The following SLC41A2 variants were observed in gnomAD, a reference collection of about 807,000 sequenced individuals.
SLC41A2 encodes SLC41A1-like 1.
A neutral mutation model predicts 58.3 loss-of-function variants in SLC41A2; 32 were observed. That is an observed-to-expected ratio of 0.55 (90% CI 0.41 to 0.74). The LOEUF (loss-of-function observed/expected upper bound fraction) is 0.74, where lower values mean the gene tolerates loss of function less well. Among genes scored for constraint, SLC41A2 ranks in the 30% least tolerant of loss-of-function variants. SLC41A2 has a pLI of 0.00. For synonymous variants in SLC41A2, 190 were observed against 235.0 expected (o/e 0.81, Z 1.75); for missense variants, 514 against 680.6 (o/e 0.76, Z 2.72).
chr12:104,838,458 G>A (rs2042288165), intron 10 of SLC41A2, among the ~76,000 whole-genome samples: 1 of 152,164 alleles, frequency 6.6e-6, no homozygotes, highest in African/African-American at 2.4e-5. Flanking sequence ...ATGAGATGGT[G>A]CAATTTGCAT....
In SLC41A2 at chr12:104,865,214, G is replaced by A. The variant is rs983641053; in HGVS notation, c.1175+1218C>T. Among the ~76,000 whole-genome samples the A allele has an allele frequency of 4.6e-5, 7 of 152,294 alleles. 1 individual carries two copies. Among genetic ancestry groups the A allele is most frequent in the Admixed American group, 1.3e-4 (2 of 15,294 alleles). On this transcript the variant is annotated intron_variant, in intron 7 of 10. Coordinates refer to ENST00000258538, the MANE Select transcript of SLC41A2 (RefSeq NM_001352171.3). Reference sequence around the variant, plus strand: ...AGGCTGTCTCTCAGCATTATACAAAGAAAAGGAAGTGGGATAGGGTTCTCA... The same window carrying A: ...AGGCTGTCTCTCAGCATTATACAAAAAAAAGGAAGTGGGATAGGGTTCTCA...
Position 104,844,571 on chromosome 12 carries a change from TC to T in SLC41A2, c.1436del (p.Gly479AspfsTer3). 1 of 1,570,262 alleles carries T rather than the reference TC, an allele frequency of 6.4e-7. No homozygotes were observed. The highest frequency in any genetic ancestry group is 1.2e-5 in the South Asian group (1 of 81,488). On this transcript the variant is annotated frameshift_variant, in exon 10 of 11. Coordinates refer to ENST00000258538, the MANE Select transcript of SLC41A2 (RefSeq NM_001352171.3). LOFTEE classifies it high-confidence loss of function. ...AQVLLLLVIP[G>X]HLIFLYTIHL... ...GAATAGTGTAGAGGAAAATTAAATGTCCAGGAATCACTAAAAGCAGTAGAAC... is the reference window on the plus strand; with the variant it reads ...GAATAGTGTAGAGGAAAATTAAATGTCAGGAATCACTAAAAGCAGTAGAAC...
chr12:104,829,055 T>C (rs549065635), intron 10 of SLC41A2, among the ~76,000 whole-genome samples: 1 of 152,352 alleles, frequency 6.6e-6, no homozygotes, highest in Admixed American at 6.5e-5. Flanking sequence ...GTAGTGGGAA[T>C]GCAGAATGGT....
chr12:104,838,356 G>A (rs1049476322), intron 10 of SLC41A2, among the ~76,000 whole-genome samples: 15 of 152,122 alleles, frequency 9.9e-5, no homozygotes, highest in African/African-American at 3.6e-4. Context: ...TTAATATACT[G>A]GTTATAAGTT....
In SLC41A2 at chr12:104,958,277, G is replaced by C. The variant is rs1177481755; in HGVS notation, c.-357C>G. 1 of 150,538 alleles carries C rather than the reference G, an allele frequency of 6.6e-6. No individual in the cohort carries two copies. Among genetic ancestry groups the C allele is most frequent in the Non-Finnish European group, 1.5e-5 (1 of 67,602 alleles). The allele number at this position is 150,538 out of a possible 1,614,324, so 9.3% of individuals were successfully genotyped here. On this transcript the variant is annotated 5_prime_UTR_variant, in exon 1 of 11. Coordinates refer to ENST00000258538, the MANE Select transcript of SLC41A2 (RefSeq NM_001352171.3). The stretch of plus-strand genomic sequence containing the variant: ...CTCCCGCGCCTCCTCGCGCGGCTGC[G>C]GCCCCAAGCTGACAGCCCGGCCGTC...
chr12:104,867,775 GTTAC>G (rs1403877599), intron 6 of SLC41A2, among the ~76,000 whole-genome samples: 1 of 147,816 alleles, frequency 6.8e-6, no homozygotes, highest in East Asian at 2.0e-4. Flanking sequence ...TAAGTCAAAT[GTTAC>G]TTAATTTTTT....
At chr12:104,924,949 T>C (rs557382346) in intron 2 of SLC41A2, among the ~76,000 whole-genome samples, 1 of 152,186 alleles carries the variant, frequency 6.6e-6, no homozygotes, top group South Asian at 2.1e-4. Context: ...TTATATAGTT[T>C]AAAAAGAGTC....
In SLC41A2 at chr12:104,940,813, G is replaced by C. The variant is rs189089949; in HGVS notation, c.-167-12119C>G. 3.5e-3 allele frequency among the ~76,000 whole-genome samples: 527 copies of C among 151,956 alleles called. 2 individuals are homozygous for C. Among genetic ancestry groups the C allele is most frequent in the Admixed American group, 9.1e-3 (139 of 15,272 alleles). ...AGACGCCTGTAGTCCCACCTACTCAGGAGGCTGAGGCAGGAGAATTACTTG... is the reference window on the plus strand; with the variant it reads ...AGACGCCTGTAGTCCCACCTACTCACGAGGCTGAGGCAGGAGAATTACTTG... On this transcript the variant is annotated intron_variant, in intron 1 of 10. Coordinates refer to ENST00000258538, the MANE Select transcript of SLC41A2 (RefSeq NM_001352171.3).
At chr12:104,843,504 T>C (rs2042490634) in intron 10 of SLC41A2, among the ~76,000 whole-genome samples, 1 of 152,086 alleles carries the variant, frequency 6.6e-6, no homozygotes, top group African/African-American at 2.4e-5. Context: ...AACCTTATCT[T>C]GTCTGTTAGA....
intron 10 of SLC41A2, among the ~76,000 whole-genome samples, chr12:104,826,416 C>T (rs2041847453): frequency 6.6e-6 from 1 of 152,178 alleles, no homozygotes; most frequent in Non-Finnish European, 1.5e-5. Flanking sequence ...CCTTTGCCGA[C>T]AATGTAGGAT....
At chr12:104,923,721 C>T (rs2135859351) in intron 2 of SLC41A2, among the ~76,000 whole-genome samples, 1 of 152,164 alleles carries the variant, frequency 6.6e-6, no homozygotes, top group Middle Eastern at 3.4e-3. Context: ...AAACATGCAA[C>T]AAGGATAAAT....
At chr12:104,841,006 T>C (rs2136317077) in intron 10 of SLC41A2, among the ~76,000 whole-genome samples, 1 of 152,306 alleles carries the variant, frequency 6.6e-6, no homozygotes, top group African/African-American at 2.4e-5. Flanking sequence ...AAAGTTTTAT[T>C]TTAAAAACTC....
intron 2 of SLC41A2, among the ~76,000 whole-genome samples, chr12:104,921,251 G>C (rs772071859): frequency 6.6e-6 from 1 of 151,972 alleles, no homozygotes; most frequent in Non-Finnish European, 1.5e-5. Context: ...TCCAAAACTT[G>C]AGAAAGCTAT....
chr12:104,943,341 C>A (rs1282123659), intron 1 of SLC41A2, among the ~76,000 whole-genome samples: 1 of 151,820 alleles, frequency 6.6e-6, no homozygotes, highest in African/African-American at 2.4e-5. Context: ...AACACCAGAC[C>A]CTGGGGCCTC....
chr12:104,893,534 T>C (rs2045121952), intron 4 of SLC41A2, among the ~76,000 whole-genome samples: 1 of 152,196 alleles, frequency 6.6e-6, no homozygotes, highest in African/African-American at 2.4e-5. Flanking sequence ...GAAATCAGTA[T>C]GTTGAAGAGA....
intron 1 of SLC41A2, among the ~76,000 whole-genome samples, chr12:104,930,062 T>C (rs1252570685): frequency 2.0e-5 from 3 of 152,214 alleles, no homozygotes; most frequent in Admixed American, 2.0e-4. Context: ...GATCTGGGAA[T>C]TCCTTCTGAG....
chr12:104,889,255 C>A, intron 4 of SLC41A2, 78 bp from the exon 5 acceptor site: 2 of 1,416,074 alleles, frequency 1.4e-6, no homozygotes, highest in African/African-American at 1.5e-5. Context: ...GTAAATATTA[C>A]TACAAAAAGT....
At chr12:104,885,880 A>T (rs950030086) in intron 6 of SLC41A2, among the ~76,000 whole-genome samples, 1 of 152,088 alleles carries the variant, frequency 6.6e-6, no homozygotes, top group Non-Finnish European at 1.5e-5. Context: ...AGTACCACTT[A>T]TAAGCTTATA....
At chr12:104,935,340 A>T (rs1406087841) in intron 1 of SLC41A2, among the ~76,000 whole-genome samples, 2 of 152,078 alleles carry the variant, frequency 1.3e-5, no homozygotes, top group African/African-American at 4.8e-5. Flanking sequence ...AATGCCAAAA[A>T]AAAATAGATT....
Sources: allele counts gnomAD v4.1 joint callset (sites outside exome capture counted in the v4.1 genomes callset), GRCh38; gene constraint gnomAD v4.1.1; transcripts MANE v1.5; gene names NCBI Gene and HGNC (gene_info 2026-07-23, HGNC 2026-07-21).